BNIP3L: variants seen among roughly 807,000 people sequenced by gnomAD.
BNIP3L encodes BCL2/adenovirus E1B 19 kDa protein-interacting protein 3-like.
Under a neutral mutation model 25.5 loss-of-function variants are expected in BNIP3L, and 10 were observed. That is an observed-to-expected ratio of 0.39 (90% confidence interval 0.24 to 0.67). The LOEUF (loss-of-function observed/expected upper bound fraction) is 0.67. Among genes scored for constraint, BNIP3L ranks in the 30% least tolerant of loss-of-function variants. The pLI is 0.45. For synonymous variants in BNIP3L, 113 were observed against 101.2 expected (o/e 1.12, Z -0.70); for missense variants, 215 against 270.9 (o/e 0.79, Z 1.45).
chr8:26,392,019 G>A (rs954286994), intron 2 of BNIP3L, among the ~76,000 whole-genome samples: 32 of 149,992 alleles, frequency 2.1e-4, no homozygotes, highest in African/African-American at 7.9e-4. Context: ...GCTTTCTCAG[G>A]GGATGTTTTG....
intron 1 of BNIP3L, among the ~76,000 whole-genome samples, chr8:26,388,807 CTAAATAAATAAA>C (rs3837185): frequency 0.017 from 2,406 of 143,948 alleles, 25 homozygotes; most frequent in Middle Eastern, 0.049. Context: ...CCTGTCTCTA[CTAAATAAATAAA>C]TAAATAAATA....
In BNIP3L at chr8:26,412,179, C is replaced by T. The variant is rs556973702; in HGVS notation, c.*1767C>T. On this transcript the variant is annotated 3_prime_UTR_variant, in exon 6 of 6. Transcript: ENST00000380629. ...CCATGTTTCTGTCTTACTCTTAAAC[C>T]TGGTAACACTTGATTTGCCTTCTAT... 6.6e-6 allele frequency: 1 copy of T among 152,180 alleles called. No individual in the cohort carries two copies. The highest frequency in any genetic ancestry group is 2.1e-4 in the South Asian group (1 of 4,824). The allele number at this position is 152,180 out of a possible 1,614,324, so 9.4% of individuals were successfully genotyped here.
intron 1 of BNIP3L, 71 bp downstream of exon 1, chr8:26,383,301 C>G (rs1304913146): frequency 6.5e-7 from 1 of 1,548,456 alleles, no homozygotes; most frequent in Middle Eastern, 1.8e-4. Flanking sequence ...GCCACCGGCG[C>G]GGCGCGGGAG....
chr8:26,401,036 T>TA (rs1351887309), intron 3 of BNIP3L, among the ~76,000 whole-genome samples: 1 of 138,972 alleles, frequency 7.2e-6, no homozygotes, highest in Admixed American at 7.4e-5. Flanking sequence ...GAACTAGAAA[T>TA]ACCATTTGAC....
At chr8:26,383,523 A>T in intron 1 of BNIP3L, 1 of 347,572 alleles carries the variant, frequency 2.9e-6, no homozygotes, top group Non-Finnish European at 3.6e-6. Context: ...CCAGCAGCGG[A>T]GCCGGGCGGG....
In BNIP3L at chr8:26,396,263, G is replaced by A. The variant is rs1422111010; in HGVS notation, c.357+961G>A. Among the ~76,000 whole-genome samples, 307 of 95,592 alleles carry A rather than the reference G, an allele frequency of 3.2e-3. 1 individual carries two copies. The highest frequency in any genetic ancestry group is 4.2e-3 in the Middle Eastern group (1 of 238). 62.7% of individuals were successfully genotyped at this position (95,592 alleles called of 152,430 possible). ...AAGAGAGCAGTGGTTCTCCCAGCAC[G>A]CAGCTGGAGATCTGAGAACGGGCAG... On this transcript the variant is annotated intron_variant, in intron 3 of 5. Transcript: ENST00000380629.
chr8:26,390,520 A>G (rs529588358), intron 1 of BNIP3L: 3 of 985,432 alleles, frequency 3.0e-6, no homozygotes, highest in Admixed American at 6.1e-5. Flanking sequence ...TTCACAAGGT[A>G]TGTTTAGTGT....
intron 1 of BNIP3L, among the ~76,000 whole-genome samples, chr8:26,390,060 A>T (rs559540241): frequency 6.6e-6 from 1 of 152,198 alleles, no homozygotes; most frequent in Non-Finnish European, 1.5e-5. Context: ...ATATACCACT[A>T]TCTCTTTTTG....
chr8:26,395,177 G>A, intron 2 of BNIP3L, 53 bp from the exon 3 acceptor site: 1 of 1,578,854 alleles, frequency 6.3e-7, no homozygotes, highest in East Asian at 2.2e-5. Flanking sequence ...TAGAGACTAA[G>A]TCATTTGACA....
chr8:26,388,225 G>A (rs758084378), intron 1 of BNIP3L, among the ~76,000 whole-genome samples: 49 of 152,298 alleles, frequency 3.2e-4, no homozygotes, highest in Middle Eastern at 3.4e-3. Flanking sequence ...GTAAGGAATG[G>A]TTTTTCTATG....
rs946774263 is a variant in BNIP3L, at chr8:26,393,253, C to T, written c.284+1827C>T. ...TGTTTTAGGGTTGTTGGGTATCAGT[C>T]CTAGAGCTGATTTATGTATATTTTC... On this transcript the variant is annotated intron_variant, in intron 2 of 5. Coordinates refer to ENST00000380629, the MANE Select transcript of BNIP3L (RefSeq NM_004331.3). Among the ~76,000 whole-genome samples the T allele has an allele frequency of 4.6e-5, 7 of 151,122 alleles. No individual in the cohort carries two copies. In the South Asian group the frequency reaches 1.3e-3, roughly 27 times the overall value.
At chr8:26,409,196 C>A (rs1300950675) in intron 5 of BNIP3L, among the ~76,000 whole-genome samples, 1 of 151,870 alleles carries the variant, frequency 6.6e-6, no homozygotes, top group Non-Finnish European at 1.5e-5. Flanking sequence ...ACGTGTAATT[C>A]ATTAGTTTCT....
chr8:26,400,868 G>A, intron 3 of BNIP3L, among the ~76,000 whole-genome samples: 5 of 132,042 alleles, frequency 3.8e-5, no homozygotes, highest in African/African-American at 5.7e-5. Flanking sequence ...ACTATGAGAT[G>A]TCATCTCACA....
At chr8:26,398,197 T>C (rs1806290654) in intron 3 of BNIP3L, among the ~76,000 whole-genome samples, 1 of 71,280 alleles carries the variant, frequency 1.4e-5, no homozygotes, top group African/African-American at 5.7e-5. Flanking sequence ...ACCACACCTA[T>C]TCCAAAATTG....
At chr8:26,398,111 C>T (rs1340387286) in intron 3 of BNIP3L, among the ~76,000 whole-genome samples, 1 of 90,308 alleles carries the variant, frequency 1.1e-5, no homozygotes, top group East Asian at 4.0e-4. Flanking sequence ...CTCAGCTCTG[C>T]ACCAAGCAGA....
rs767521302 is a variant in BNIP3L at position 26,383,129 on chromosome 8, C to A, written c.-2C>A. On this transcript the variant is annotated 5_prime_UTR_variant, in exon 1 of 6. Coordinates refer to ENST00000380629, the MANE Select transcript of BNIP3L (RefSeq NM_004331.3). The stretch of plus-strand genomic sequence containing the variant: ...TGCCGCAGTCCTGCCAGCTGTCCGA[C>A]AATGTCGTCCCACCTAGTCGAGCCG... 1.2e-6 allele frequency: 2 copies of A among 1,608,892 alleles called. No individual in the cohort carries two copies. Among genetic ancestry groups the A allele is most frequent in the Admixed American group, 3.4e-5 (2 of 59,496 alleles).
intron 3 of BNIP3L, among the ~76,000 whole-genome samples, chr8:26,403,493 CACTAACATTAACTAGATATGTTCTAGGT>C (rs1806435895): frequency 6.6e-6 from 1 of 150,440 alleles, no homozygotes; most frequent in Non-Finnish European, 1.5e-5. Context: ...GAAGTAAAGT[CACTAACATTAACTAGATATGTTCTAGGT>C]ACTCAGTTTC....
At chr8:26,388,734 G>A (rs1806043616) in intron 1 of BNIP3L, among the ~76,000 whole-genome samples, 1 of 152,126 alleles carries the variant, frequency 6.6e-6, no homozygotes, top group Admixed American at 6.5e-5. Flanking sequence ...ACTTTGGGAG[G>A]CTGAGGTGGG....
chr8:26,401,324 C>A (rs1473405871), intron 3 of BNIP3L, among the ~76,000 whole-genome samples: 4 of 142,156 alleles, frequency 2.8e-5, no homozygotes, highest in South Asian at 2.3e-4. Flanking sequence ...GAACAAAAAA[C>A]CAAACACCGC....
Sources: gnomAD v4.1 joint callset for allele counts (sites outside exome capture counted in the v4.1 genomes callset) on GRCh38, gnomAD v4.1.1 for gene constraint, MANE v1.5 for transcripts, NCBI Gene and HGNC (gene_info 2026-07-23, HGNC 2026-07-21) for gene names.